ABI2: variants seen among roughly 807,000 people sequenced by gnomAD.
ABI2 encodes the protein abl interactor 2, also known as abelson interactor 2.
In ABI2, 25 loss-of-function variants were observed where a neutral mutation model predicts 59.2. The observed-to-expected ratio is 0.42, with a 90% confidence interval of 0.31 to 0.59. The LOEUF is 0.59. Among genes scored for constraint, ABI2 ranks in the 20% least tolerant of loss-of-function variants. The pLI, the probability that ABI2 is intolerant of heterozygous loss-of-function variation, is 0.14. For missense variants in ABI2, 545 were observed against 681.8 expected (o/e 0.80, Z 2.23); for synonymous variants, 213 against 235.5 (o/e 0.90, Z 0.87).
At chr2:203,393,458 G>A (rs1247774857) in intron 5 of ABI2, among the ~76,000 whole-genome samples, 2 of 152,234 alleles carry the variant, frequency 1.3e-5, no homozygotes, top group African/African-American at 4.8e-5. Flanking sequence ...TATAATTTAA[G>A]AGATGCTGGA....
intron 10 of ABI2, among the ~76,000 whole-genome samples, chr2:203,416,179 G>A (rs1385888813): frequency 6.6e-6 from 1 of 152,158 alleles, no homozygotes; most frequent in Non-Finnish European, 1.5e-5. Flanking sequence ...TTAAGAATTT[G>A]TGAAATATGG....
At chr2:203,338,824 A>G (rs2077633402) in intron 1 of ABI2, among the ~76,000 whole-genome samples, 1 of 150,296 alleles carries the variant, frequency 6.7e-6, no homozygotes, top group African/African-American at 2.5e-5. Context: ...GCTTCTGCAC[A>G]GCAAAGGACA....
At chr2:203,417,762 G>C (rs1374137990) in intron 11 of ABI2, among the ~76,000 whole-genome samples, 1 of 152,142 alleles carries the variant, frequency 6.6e-6, no homozygotes, top group Admixed American at 6.5e-5. Flanking sequence ...CCAAGAGAGA[G>C]CAACAGTAAT....
At chr2:203,394,872 T>C (rs971180518) in intron 6 of ABI2, 26 bp downstream of exon 6, 10 of 1,611,708 alleles carry the variant, frequency 6.2e-6, no homozygotes, top group Non-Finnish European at 8.5e-6. Flanking sequence ...CAGTGCAAAA[T>C]GTGATGGTCA....
At chr2:203,339,042 A>G (rs1173954441) in intron 1 of ABI2, among the ~76,000 whole-genome samples, 1 of 138,242 alleles carries the variant, frequency 7.2e-6, no homozygotes, top group African/African-American at 2.8e-5. Context: ...AAAAAACCAA[A>G]TAACCAGATT....
At chr2:203,389,656 G>A (rs1671557516) in intron 4 of ABI2, among the ~76,000 whole-genome samples, 1 of 152,178 alleles carries the variant, frequency 6.6e-6, no homozygotes, top group Admixed American at 6.5e-5. Context: ...TTTTAGAAAA[G>A]TTGAGGTCCT....
intron 1 of ABI2, among the ~76,000 whole-genome samples, chr2:203,361,318 A>G (rs1234505905): frequency 6.6e-6 from 1 of 152,078 alleles, no homozygotes; most frequent in Non-Finnish European, 1.5e-5. Context: ...CTGTTACTAG[A>G]GAACAGTAAT....
chr2:203,372,418 C>T (rs1349759535), intron 2 of ABI2, among the ~76,000 whole-genome samples: 75 of 152,336 alleles, frequency 4.9e-4, no homozygotes, highest in African/African-American at 1.4e-3. Context: ...ATTGTCATCC[C>T]GGCCCGTTCT....
chr2:203,396,662 A>G, intron 7 of ABI2, 123 bp from the exon 8 acceptor site: 1 of 1,025,234 alleles, frequency 9.8e-7, no homozygotes, highest in Non-Finnish European at 1.3e-6. Flanking sequence ...CTTTTTTTCA[A>G]CTCTGTTCTT....
intron 10 of ABI2, among the ~76,000 whole-genome samples, chr2:203,415,892 A>G (rs547799718): frequency 5.9e-5 from 9 of 152,218 alleles, no homozygotes; most frequent in Non-Finnish European, 1.3e-4. Flanking sequence ...ATATATTGGT[A>G]TGCAAGCTGT....
At chr2:203,335,876 TGA>T (rs1268709474) in intron 1 of ABI2, among the ~76,000 whole-genome samples, 1 of 152,216 alleles carries the variant, frequency 6.6e-6, no homozygotes, top group Non-Finnish European at 1.5e-5. Context: ...TAAAGGTTTA[TGA>T]ATTACAATAA....
At chr2:203,345,521 C>T (rs1005420618) in intron 1 of ABI2, among the ~76,000 whole-genome samples, 3 of 152,138 alleles carry the variant, frequency 2.0e-5, no homozygotes, top group Non-Finnish European at 2.9e-5. Flanking sequence ...AGCGATTCTC[C>T]TGCCTCAGCC....
chr2:203,366,837 A>G (rs2094497717), intron 1 of ABI2, 40 bp from the exon 2 acceptor site: 1 of 1,502,346 alleles, frequency 6.7e-7, no homozygotes, highest in East Asian at 2.4e-5. Context: ...GAAATGGGTT[A>G]TTTTTGAATT....
chr2:203,425,889 G>T (rs2098413193), intron 11 of ABI2, among the ~76,000 whole-genome samples: 1 of 152,108 alleles, frequency 6.6e-6, no homozygotes, highest in Non-Finnish European at 1.5e-5. Flanking sequence ...GTGCGTGGTG[G>T]TGGGCGCCTG....
At position 203,336,050 on chromosome 2, in the gene ABI2, A is replaced by G. The variant is rs146900645; in HGVS notation, c.117+7419A>G. Among the ~76,000 whole-genome samples the G allele has an allele frequency of 5.0e-3, 769 of 152,302 alleles. 10 individuals carry two copies. Among genetic ancestry groups the G allele is most frequent in the African/African-American group, 0.017 (727 of 41,570 alleles). On this transcript the variant is annotated intron_variant, in intron 1 of 11. Transcript: ENST00000261018. ...CCATATAAGGGGCATTATGTAGTAT[A>G]TAGCCTTTTGTGTTTGACTTCTTGG...
intron 10 of ABI2, 128 bp downstream of exon 10, chr2:203,411,499 C>T (rs1013255413): frequency 2.7e-6 from 2 of 741,150 alleles, no homozygotes; most frequent in Admixed American, 5.7e-5. Flanking sequence ...AAATCACTGT[C>T]TGGCTAGTGG....
intron 1 of ABI2, among the ~76,000 whole-genome samples, chr2:203,339,959 C>T (rs942295806): frequency 6.6e-6 from 1 of 152,170 alleles, no homozygotes; most frequent in African/African-American, 2.4e-5. Flanking sequence ...TGGATGAATA[C>T]TGTATTTGTT....
intron 2 of ABI2, among the ~76,000 whole-genome samples, chr2:203,373,449 C>T (rs946640118): frequency 1.4e-4 from 21 of 151,440 alleles, no homozygotes; most frequent in Middle Eastern, 3.2e-3. Flanking sequence ...AGAGGGAGAC[C>T]GTGGAAAGAG....
chr2:203,328,949 A>C lies in ABI2; in HGVS notation c.117+318A>C, dbSNP rs974828022. The C allele has an allele frequency of 1.7e-5, 4 of 229,502 alleles. No individual in the cohort carries two copies. The Admixed American group carries it at 2.3e-4, about 13-fold the overall frequency. 14.2% of individuals were successfully genotyped at this position (229,502 alleles called of 1,614,324 possible). ...GCGTTCCGGATGGCGGAGGGGGCGG[A>C]GAGTGGCATTTTCTGTTTGACGGAA... On this transcript the variant is annotated intron_variant, in intron 1 of 11. Transcript: ENST00000261018.
Sources: allele counts gnomAD v4.1 joint callset (sites outside exome capture counted in the v4.1 genomes callset), GRCh38; gene constraint gnomAD v4.1.1; transcripts MANE v1.5; gene names NCBI Gene and HGNC (gene_info 2026-07-23, HGNC 2026-07-21).